PLCG2: variants seen among roughly 807,000 people sequenced by gnomAD.
PLCG2 encodes the protein 1-phosphatidylinositol 4,5-bisphosphate phosphodiesterase gamma-2.
A neutral mutation model predicts 175.6 loss-of-function variants in PLCG2; 69 were observed. The ratio of observed to expected loss-of-function variants is 0.39; its 90% CI spans 0.32 to 0.48. The LOEUF (loss-of-function observed/expected upper bound fraction) is 0.48, where lower values mean the gene tolerates loss of function less well. PLCG2 is among the 20% of genes least tolerant of loss of function. The pLI is 0.91. For synonymous variants in PLCG2, 827 were observed against 624.0 expected, an observed-to-expected ratio of 1.33 and a Z score of -4.85; for missense variants, 1,798 against 1,650.9, an observed-to-expected ratio of 1.09 and a Z score of -1.54.
At chr16:81,781,308 T>G (rs1432408837) in intron 1 of PLCG2, among the ~76,000 whole-genome samples, 1 of 152,226 alleles carries the variant, frequency 6.6e-6, no homozygotes, top group African/African-American at 2.4e-5. Flanking sequence ...ATCAAATTGC[T>G]TATCTATCAT....
At chr16:81,778,952 C>T (rs962912217), upstream of PLCG2, among the ~76,000 whole-genome samples, 2 of 152,214 alleles carry the variant, frequency 1.3e-5, no homozygotes, top group Non-Finnish European at 2.9e-5. Flanking sequence ...TGAGCCCGGG[C>T]GCCCGGCCGG....
intron 1 of PLCG2, among the ~76,000 whole-genome samples, chr16:81,755,428 A>G (rs917191291): frequency 2.6e-5 from 4 of 151,346 alleles, no homozygotes; most frequent in Middle Eastern, 3.2e-3. Context: ...CTGGTCTCAA[A>G]CTTCTGAGCT....
chr16:81,893,772 C>T lies in PLCG2; in HGVS notation c.1050C>T (p.Arg350=), dbSNP rs185739725. 4.3e-6 allele frequency: 7 copies of T among 1,611,412 alleles called. No individual in the cohort carries two copies. The highest frequency in any genetic ancestry group is 3.3e-5 in the Admixed American group (2 of 60,014). ...CAGAAGCTTACATCCGCTGCCTGCGCATGGGCTGTCGCTGCATTGAACGTG... is the reference window on the plus strand; with the variant it reads ...CAGAAGCTTACATCCGCTGCCTGCGTATGGGCTGTCGCTGCATTGAACGTG... The part of the protein sequence containing the change: ...SSPEAYIRCL[R]MGCRCIELDC... Residue 350 remains arginine, a synonymous_variant, in exon 12 of 33, where the codon CGC becomes CGT. Coordinates refer to ENST00000564138, the MANE Select transcript of PLCG2 (RefSeq NM_002661.5).
chr16:81,794,743 C>T (rs1427905093), intron 2 of PLCG2, among the ~76,000 whole-genome samples: 1 of 152,138 alleles, frequency 6.6e-6, no homozygotes, highest in Non-Finnish European at 1.5e-5. Flanking sequence ...CTCTTGCTGT[C>T]GTTGATGTCA....
Position 81,883,359 on chromosome 16 carries a change from G to A in PLCG2, c.765+18G>A. The A allele has an allele frequency of 6.2e-7, 1 of 1,607,256 alleles. No individual in the cohort carries two copies. Among genetic ancestry groups the A allele is most frequent in the Non-Finnish European group, 8.5e-7 (1 of 1,174,134 alleles). On this transcript the variant is annotated intron_variant, in intron 9 of 32. Transcript: ENST00000564138. The stretch of plus-strand genomic sequence containing the variant: ...AACAGCAGGTGAGAGCACAAGGTGT[G>A]TGGGTGCCTGAGGGAGCTGGCGGGA...
intron 2 of PLCG2, among the ~76,000 whole-genome samples, chr16:81,766,369 C>G (rs1401132536): frequency 6.6e-6 from 1 of 152,188 alleles, no homozygotes; most frequent in East Asian, 1.9e-4. Context: ...CCCTCAAGCT[C>G]TGCACCATTT....
intron 24 of PLCG2, among the ~76,000 whole-genome samples, chr16:81,929,772 C>G (rs1324778491): frequency 1.3e-5 from 2 of 152,250 alleles, no homozygotes; most frequent in African/African-American, 2.4e-5. Context: ...ATTCTTTGCT[C>G]CGATTACCAG....
At chr16:81,808,294 G>T (rs1357521074) in intron 2 of PLCG2, among the ~76,000 whole-genome samples, 2 of 152,072 alleles carry the variant, frequency 1.3e-5, no homozygotes, top group Non-Finnish European at 2.9e-5. Flanking sequence ...GGCTGTTTTG[G>T]AGGCAAACCC....
At chr16:81,910,796 G>T (rs928321416) in intron 18 of PLCG2, 76 bp downstream of exon 18, 125 of 1,390,694 alleles carry the variant, frequency 9.0e-5, no homozygotes, top group Non-Finnish European at 1.0e-4. Flanking sequence ...TGGCCTGGTG[G>T]TTCAGCCGGG....
intron 7 of PLCG2, 43 bp from the exon 8 acceptor site, chr16:81,880,867 A>G: frequency 6.3e-7 from 1 of 1,594,636 alleles, no homozygotes; most frequent in Non-Finnish European, 8.6e-7. Flanking sequence ...GCATTAAGTG[A>G]CTTGTCTAAG....
intron 7 of PLCG2, among the ~76,000 whole-genome samples, chr16:81,878,904 C>A (rs975532330): frequency 6.6e-6 from 1 of 152,214 alleles, no homozygotes; most frequent in Non-Finnish European, 1.5e-5. Context: ...GGGGCCAATT[C>A]CTGCAAACAC....
intron 2 of PLCG2, among the ~76,000 whole-genome samples, chr16:81,833,852 G>C (rs1905378141): frequency 6.6e-6 from 1 of 152,180 alleles, no homozygotes; most frequent in Admixed American, 6.5e-5. Context: ...CCGGCCTCCT[G>C]TGTGTCTTGC....
At chr16:81,833,206 A>C (rs1016995222) in intron 2 of PLCG2, among the ~76,000 whole-genome samples, 1 of 152,208 alleles carries the variant, frequency 6.6e-6, no homozygotes, top group Non-Finnish European at 1.5e-5. Context: ...GCAACCCCAG[A>C]ATGAAAATCA....
chr16:81,754,714 C>G (rs979433617), intron 1 of PLCG2, among the ~76,000 whole-genome samples: 2 of 151,566 alleles, frequency 1.3e-5, no homozygotes, highest in Admixed American at 1.3e-4. Context: ...TGTCAAAGGC[C>G]TGTCTGAAGT....
Position 81,901,869 on chromosome 16 carries a change from C to T in PLCG2, c.1362+1089C>T, listed in dbSNP as rs958332892. Among the ~76,000 whole-genome samples the T allele has an allele frequency of 3.9e-5, 6 of 152,348 alleles. No individual in the cohort carries two copies. The East Asian group carries it at 1.2e-3, about 29-fold the overall frequency. The stretch of plus-strand genomic sequence containing the variant: ...GCAAATATTTATTTAATATCTTAAT[C>T]ATGTTTCAATATAATTGAGTTTCCT... On this transcript the variant is annotated intron_variant, in intron 14 of 32. Transcript: ENST00000564138.
rs1210047059 is a variant in PLCG2, at chr16:81,809,436, C to G, written c.193+23254C>G. On this transcript the variant is annotated intron_variant, in intron 2 of 32. Coordinates refer to ENST00000564138, the MANE Select transcript of PLCG2 (RefSeq NM_002661.5). Reference sequence around the variant, plus strand: ...AATGGACTTCGGCTCTATTTACTCACAGGAATAATAAGCTTGATGACACAG... The same window carrying G: ...AATGGACTTCGGCTCTATTTACTCAGAGGAATAATAAGCTTGATGACACAG... Among the ~76,000 whole-genome samples the G allele has an allele frequency of 3.3e-5, 5 of 152,188 alleles. No homozygotes were observed. In the East Asian group the frequency reaches 9.6e-4, roughly 29 times the overall value.
intron 2 of PLCG2, among the ~76,000 whole-genome samples, chr16:81,791,948 A>G (rs968354218): frequency 1.3e-5 from 2 of 152,198 alleles, no homozygotes; most frequent in African/African-American, 4.8e-5. Flanking sequence ...GCTTCTTACG[A>G]CAGCCTCATA....
intron 1 of PLCG2, among the ~76,000 whole-genome samples, chr16:81,746,156 G>T (rs1909699691): frequency 6.6e-6 from 1 of 152,206 alleles, no homozygotes; most frequent in African/African-American, 2.4e-5. Flanking sequence ...GCCCATGGGT[G>T]CTCAGGGCAC....
chr16:81,800,204 T>G (rs1417436150), intron 2 of PLCG2, among the ~76,000 whole-genome samples: 2 of 152,252 alleles, frequency 1.3e-5, no homozygotes, highest in Non-Finnish European at 2.9e-5. Flanking sequence ...CTATTATTAT[T>G]GTTTAAATTT....
Sources: gnomAD v4.1 joint callset for allele counts (sites outside exome capture counted in the v4.1 genomes callset) on GRCh38, gnomAD v4.1.1 for gene constraint, MANE v1.5 for transcripts, NCBI Gene and HGNC (gene_info 2026-07-23, HGNC 2026-07-21) for gene names.